Variants in NRG3 observed in about 807,000 individuals in gnomAD.
NRG3 encodes the protein pro-neuregulin-3, membrane-bound isoform.
NRG3 carries 31 observed loss-of-function variants against 66.9 expected under a neutral mutation model. That is an observed-to-expected ratio of 0.46 (90% CI 0.35 to 0.63). The LOEUF is 0.63. Among genes scored for constraint, NRG3 ranks in the 20% least tolerant of loss-of-function variants. The probability of loss-of-function intolerance (pLI) is 0.00; values close to 1 mark genes in which losing one functional copy is unlikely to be tolerated. For synonymous variants in NRG3, 393 were observed against 359.4 expected (o/e 1.09, Z -1.06); for missense variants, 910 against 878.9 (o/e 1.04, Z -0.45).
intron 2 of NRG3, among the ~76,000 whole-genome samples, chr10:82,728,264 A>C (rs2057714628): frequency 6.6e-6 from 1 of 152,098 alleles, no homozygotes; most frequent in African/African-American, 2.4e-5. Flanking sequence ...GGGGTGGAAT[A>C]ATATGGTTTG....
At chr10:82,339,186 C>T (rs1564811258) in intron 1 of NRG3, among the ~76,000 whole-genome samples, 1 of 152,076 alleles carries the variant, frequency 6.6e-6, no homozygotes, top group Non-Finnish European at 1.5e-5. Context: ...ATTCTAGTTG[C>T]CTGTTTTAAA....
chr10:82,537,873 C>G (rs2043269011), intron 2 of NRG3, among the ~76,000 whole-genome samples: 1 of 151,934 alleles, frequency 6.6e-6, no homozygotes, highest in African/African-American at 2.4e-5. Flanking sequence ...CTTCGTTGAC[C>G]CCATTATTAA....
intron 1 of NRG3, among the ~76,000 whole-genome samples, chr10:82,342,776 T>C (rs1265019166): frequency 2.0e-5 from 3 of 151,712 alleles, no homozygotes; most frequent in African/African-American, 7.3e-5. Context: ...TTTAATTAAC[T>C]CTCACTTATA....
chr10:82,807,161 C>A (rs1279258981), intron 3 of NRG3, among the ~76,000 whole-genome samples: 1 of 152,134 alleles, frequency 6.6e-6, no homozygotes, highest in Non-Finnish European at 1.5e-5. Flanking sequence ...TCCCTCTAAT[C>A]ATGTTCTGCT....
At chr10:82,130,231 A>T (rs1017782041) in intron 1 of NRG3, among the ~76,000 whole-genome samples, 6 of 151,292 alleles carry the variant, frequency 4.0e-5, no homozygotes, top group Admixed American at 6.6e-5. Context: ...ATATATATAT[A>T]TTTTTATTAT....
intron 1 of NRG3, among the ~76,000 whole-genome samples, chr10:82,187,016 C>A (rs1294486192): frequency 6.6e-6 from 1 of 152,070 alleles, no homozygotes; most frequent in South Asian, 2.1e-4. Flanking sequence ...AGAATAGAGC[C>A]CAATCTAGGC....
intron 2 of NRG3, 24 bp downstream of exon 2, chr10:82,358,892 G>T (rs2083946272): frequency 6.2e-7 from 1 of 1,613,958 alleles, no homozygotes; most frequent in Non-Finnish European, 8.5e-7. Context: ...GCCACTGATG[G>T]AAAGGGCAGG....
intron 2 of NRG3, among the ~76,000 whole-genome samples, chr10:82,477,445 C>T (rs1326513723): frequency 2.0e-5 from 3 of 152,170 alleles, no homozygotes; most frequent in East Asian, 1.9e-4. Context: ...ATTATTATCC[C>T]TTTTGCCATT....
intron 1 of NRG3, among the ~76,000 whole-genome samples, chr10:82,247,900 C>A (rs1156788275): frequency 6.6e-6 from 1 of 152,120 alleles, no homozygotes; most frequent in East Asian, 1.9e-4. Flanking sequence ...AACTTCTCTG[C>A]AAAGATGGTT....
In NRG3 at chr10:82,231,214, G is replaced by T. The variant is rs144059141; in HGVS notation, c.824-127525G>T. On this transcript the variant is annotated intron_variant, in intron 1 of 8. Transcript: ENST00000372141. ...AAAAATTAGCCAGGCATGGTGGCAG[G>T]TGCCCGTAATCCCATCTGTTCGGGA... Among the ~76,000 whole-genome samples, 872 of 152,094 alleles carry T rather than the reference G, an allele frequency of 5.7e-3. 5 individuals carry two copies. Among genetic ancestry groups the T allele is most frequent in the African/African-American group, 0.02 (830 of 41,504 alleles).
chr10:82,661,165 T>C lies in NRG3; in HGVS notation c.954-77412T>C, dbSNP rs181474854. Among the ~76,000 whole-genome samples the C allele has an allele frequency of 2.4e-3, 365 of 152,252 alleles. 2 individuals are homozygous for C. The highest frequency in any genetic ancestry group is 1.6e-3 in the Non-Finnish European group (112 of 68,026). ...ATTCCCTCGTCTGACAATTACTCAC[T>C]GGGCTCTTACTATATCCTAGGCATT... On this transcript the variant is annotated intron_variant, in intron 2 of 8. Coordinates refer to ENST00000372141, the MANE Select transcript of NRG3 (RefSeq NM_001010848.4).
chr10:82,683,250 C>T (rs1410057629), intron 2 of NRG3, among the ~76,000 whole-genome samples: 1 of 151,930 alleles, frequency 6.6e-6, no homozygotes, highest in Non-Finnish European at 1.5e-5. Context: ...CCACTGTGCC[C>T]GGCCTCATGT....
intron 8 of NRG3, among the ~76,000 whole-genome samples, chr10:82,982,866 G>A (rs367645003): frequency 2.8e-4 from 42 of 152,246 alleles, no homozygotes; most frequent in African/African-American, 9.4e-4. Flanking sequence ...CCAGTCATGT[G>A]TTCAAAGCCT....
chr10:82,090,176 A>G (rs1183917374), intron 1 of NRG3, among the ~76,000 whole-genome samples: 2 of 152,182 alleles, frequency 1.3e-5, no homozygotes, highest in Non-Finnish European at 2.9e-5. Context: ...AGTTCTCTCC[A>G]TTTAATTTGC....
At chr10:82,042,594 T>C (rs2063095593) in intron 1 of NRG3, among the ~76,000 whole-genome samples, 1 of 152,082 alleles carries the variant, frequency 6.6e-6, no homozygotes, top group Non-Finnish European at 1.5e-5. Flanking sequence ...GTATTTACAG[T>C]TATAAACACA....
intron 1 of NRG3, among the ~76,000 whole-genome samples, chr10:82,249,336 C>T (rs1210753582): frequency 6.6e-6 from 1 of 152,086 alleles, no homozygotes; most frequent in East Asian, 1.9e-4. Flanking sequence ...ATATTCACTT[C>T]CCTTTTTGCT....
intron 1 of NRG3, among the ~76,000 whole-genome samples, chr10:82,061,784 C>T (rs1471762163): frequency 6.6e-6 from 1 of 151,728 alleles, no homozygotes; most frequent in East Asian, 1.9e-4. Context: ...CCTCCTTCAC[C>T]TTTTTTCTGT....
At chr10:82,870,717 A>G (rs919149147) in intron 4 of NRG3, among the ~76,000 whole-genome samples, 1 of 152,190 alleles carries the variant, frequency 6.6e-6, no homozygotes, top group Non-Finnish European at 1.5e-5. Flanking sequence ...CTTATTTGCC[A>G]TCTGCATATT....
chr10:82,020,867 G>A (rs889511771), intron 1 of NRG3, among the ~76,000 whole-genome samples: 3 of 152,022 alleles, frequency 2.0e-5, no homozygotes, highest in East Asian at 1.9e-4. Flanking sequence ...TAGCTGGATC[G>A]ACTTTAATTT....
Sources: gnomAD v4.1 joint callset for allele counts (sites outside exome capture counted in the v4.1 genomes callset) on GRCh38, gnomAD v4.1.1 for gene constraint, MANE v1.5 for transcripts, NCBI Gene and HGNC (gene_info 2026-07-23, HGNC 2026-07-21) for gene names.